Variants in LRRC8B observed in about 807,000 individuals in gnomAD.
The protein encoded by LRRC8B is leucine rich repeat containing 8 VRAC subunit B.
A neutral mutation model predicts 58.8 loss-of-function variants in LRRC8B; 23 were observed. The ratio of observed to expected loss-of-function variants is 0.39; its 90% CI spans 0.28 to 0.55. The LOEUF (loss-of-function observed/expected upper bound fraction) is 0.55, where lower values mean the gene tolerates loss of function less well. Among genes scored for constraint, LRRC8B ranks in the 20% least tolerant of loss-of-function variants. The probability of loss-of-function intolerance (pLI) is 0.62; values close to 1 mark genes in which losing one functional copy is unlikely to be tolerated. For synonymous variants in LRRC8B, 359 were observed against 374.1 expected (o/e 0.96, Z 0.47); for missense variants, 694 against 936.0 (o/e 0.74, Z 3.37).
chr1:89,588,004 A>G (rs12125224), intron 5 of LRRC8B: 71,194 of 151,980 alleles, frequency 0.47, 16,960 homozygotes, highest in South Asian at 0.55. Flanking sequence ...ACTTCTTTGT[A>G]ATGTTAGCCC....
chr1:89,590,572 G>A (rs1347189880), intron 5 of LRRC8B, among the ~76,000 whole-genome samples: 1 of 152,254 alleles, frequency 6.6e-6, no homozygotes, highest in African/African-American at 2.4e-5. Context: ...CTCTCTTCTA[G>A]TGGAGCCTAA....
At chr1:89,581,951 AG>A (rs1230566447) in intron 4 of LRRC8B, among the ~76,000 whole-genome samples, 3 of 152,198 alleles carry the variant, frequency 2.0e-5, no homozygotes, top group Non-Finnish European at 4.4e-5. Flanking sequence ...ACTAAGCCTA[AG>A]GGGTAATTTC....
chr1:89,574,222 C>T (rs983858619), intron 3 of LRRC8B, among the ~76,000 whole-genome samples: 2 of 152,190 alleles, frequency 1.3e-5, no homozygotes, highest in Admixed American at 6.5e-5. Flanking sequence ...TGTGAACTGC[C>T]AGATCATCCC....
At chr1:89,584,907 C>A in intron 5 of LRRC8B, 118 bp downstream of exon 5, 1 of 689,824 alleles carries the variant, frequency 1.4e-6, no homozygotes, top group Non-Finnish European at 2.4e-6. Flanking sequence ...CCAATCCGAT[C>A]TTGCATAAAT....
intron 4 of LRRC8B, among the ~76,000 whole-genome samples, 176 bp from the exon 5 acceptor site, chr1:89,582,449 C>T (rs1268882700): frequency 6.6e-6 from 1 of 152,132 alleles, no homozygotes; most frequent in African/African-American, 2.4e-5. Flanking sequence ...GTTGGATGGC[C>T]TATAGTTTCA....
intron 3 of LRRC8B, among the ~76,000 whole-genome samples, chr1:89,578,095 G>C (rs1303583653): frequency 2.0e-5 from 3 of 152,092 alleles, no homozygotes; most frequent in African/African-American, 7.2e-5. Context: ...TAAACATAAA[G>C]AGTAATACTA....
intron 1 of LRRC8B, among the ~76,000 whole-genome samples, chr1:89,545,227 C>T (rs964018031): frequency 1.3e-5 from 2 of 152,178 alleles, no homozygotes; most frequent in African/African-American, 4.8e-5. Flanking sequence ...AAACCAATAG[C>T]TCTTCTTGTT....
chr1:89,530,380 A>T (rs11581637), intron 1 of LRRC8B, among the ~76,000 whole-genome samples: 6 of 76,760 alleles, frequency 7.8e-5, no homozygotes, highest in East Asian at 7.4e-4. Flanking sequence ...AAATAAATAA[A>T]TAATAAATAA....
chr1:89,551,563 TTTC>T (rs1396853801), intron 1 of LRRC8B, among the ~76,000 whole-genome samples: 3 of 152,216 alleles, frequency 2.0e-5, no homozygotes, highest in African/African-American at 7.2e-5. Flanking sequence ...TGAAATATAC[TTTC>T]TTATCTTATT....
At chr1:89,553,729 G>A (rs2045582) in intron 1 of LRRC8B, among the ~76,000 whole-genome samples, 39,324 of 151,928 alleles carry the variant, frequency 0.26, 5,505 homozygotes, top group Admixed American at 0.36. Context: ...TTTTTAAAGC[G>A]TAACTATTTT....
At chr1:89,565,143 G>A (rs1269190026) in intron 1 of LRRC8B, among the ~76,000 whole-genome samples, 1 of 152,172 alleles carries the variant, frequency 6.6e-6, no homozygotes, top group East Asian at 1.9e-4. Context: ...GACTAGAAAG[G>A]TCTTTGCCCT....
At chr1:89,574,817 T>G (rs1653726988) in intron 3 of LRRC8B, among the ~76,000 whole-genome samples, 1 of 152,096 alleles carries the variant, frequency 6.6e-6, no homozygotes, top group Non-Finnish European at 1.5e-5. Context: ...TGGCCTCAGG[T>G]CCAAAGATCA....
At position 89,584,230 on chromosome 1, in the gene LRRC8B, G is replaced by A. The variant is rs200232435; in HGVS notation, c.1580G>A (p.Ser527Asn). ...GGCTGTGTTCTCCCTGAACAGTTGA[G>A]TACTATGCAGTTGGAGGGCTTTCAG... Reference protein sequence around the residue: ...LSGCVLPEQLSTMQLEGFQDL... With the variant: ...LSGCVLPEQLNTMQLEGFQDL... The change falls in exon 5 of 6, where the codon AGT becomes AAT. Residue 527 changes from serine (S) to asparagine (N), a missense_variant. Physicochemically the swap from Ser to Asn is conservative, Grantham distance 46 (BLOSUM62 1). Around this residue, in one of 5 missense-constraint regions of LRRC8B, gnomAD observed 162 missense variants for 198.5 expected, o/e 0.82. Transcript: ENST00000330947. 8.7e-6 allele frequency: 14 copies of A among 1,612,214 alleles called. No individual in the cohort carries two copies. In the East Asian group the frequency reaches 3.1e-4, roughly 36 times the overall value.
chr1:89,587,694 G>A (rs1356958579), intron 5 of LRRC8B, among the ~76,000 whole-genome samples: 2 of 152,188 alleles, frequency 1.3e-5, no homozygotes, highest in African/African-American at 4.8e-5. Context: ...AGCGTATCAG[G>A]TTTATAGATG....
intron 1 of LRRC8B, among the ~76,000 whole-genome samples, chr1:89,528,784 C>G (rs1367333779): frequency 6.6e-6 from 1 of 152,100 alleles, no homozygotes; most frequent in East Asian, 1.9e-4. Context: ...GAGCTTCAGC[C>G]ATCACCCCCA....
At chr1:89,525,178 G>A (rs932548960) in intron 1 of LRRC8B, among the ~76,000 whole-genome samples, 156 bp downstream of exon 1, 3 of 152,378 alleles carry the variant, frequency 2.0e-5, no homozygotes, top group East Asian at 1.9e-4. Flanking sequence ...GCTGCGGGCC[G>A]GTAGCGCGGC....
intron 3 of LRRC8B, among the ~76,000 whole-genome samples, chr1:89,578,872 T>G (rs1654036150): frequency 6.6e-6 from 1 of 152,196 alleles, no homozygotes. Context: ...TCACAAATTA[T>G]TGAACTATAA....
At position 89,594,318 on chromosome 1, in the gene LRRC8B, T is replaced by A. The variant is rs1655175448; in HGVS notation, c.*1275T>A. ...TTTTGGATAACAAAAGCCTTGTGTT[T>A]AATGCCCTAAAGTATTTGGGGGTTT... On this transcript the variant is annotated 3_prime_UTR_variant, in exon 6 of 6. Transcript: ENST00000330947. The A allele has an allele frequency of 1.3e-5, 2 of 152,168 alleles. No homozygotes were observed. The highest frequency in any genetic ancestry group is 4.8e-5 in the African/African-American group (2 of 41,436). 9.4% of individuals were successfully genotyped at this position (152,168 alleles called of 1,614,324 possible). A position where few individuals can be genotyped will look rare whatever the true frequency, so the allele number is the denominator to read the frequency against.
At chr1:89,590,687 TCA>T (rs1422498022) in intron 5 of LRRC8B, among the ~76,000 whole-genome samples, 2 of 152,214 alleles carry the variant, frequency 1.3e-5, no homozygotes, top group African/African-American at 4.8e-5. Context: ...TTCAGGGTAA[TCA>T]CCCAGTAGGA....
Sources: allele counts gnomAD v4.1 joint callset (sites outside exome capture counted in the v4.1 genomes callset), GRCh38; gene constraint gnomAD v4.1.1; regional missense constraint gnomAD v4.1.1; transcripts MANE v1.5; gene names NCBI Gene and HGNC (gene_info 2026-07-23, HGNC 2026-07-21).